FER1L6: variants seen among roughly 807,000 people sequenced by gnomAD.
The protein encoded by FER1L6 is fer-1 like family member 6.
Under a neutral mutation model 219.2 loss-of-function variants are expected in FER1L6, and 177 were observed. That is an observed-to-expected ratio of 0.81 (90% CI 0.71 to 0.91). FER1L6 has a LOEUF of 0.91. Ranked by LOEUF, FER1L6 falls within the 40% of genes least tolerant of loss-of-function variation. The probability of loss-of-function intolerance (pLI) is 0.00; values close to 1 mark genes in which losing one functional copy is unlikely to be tolerated. For missense variants in FER1L6, 2,153 were observed against 2,259.9 expected (o/e 0.95, Z 0.96); for synonymous variants, 768 against 824.3 (o/e 0.93, Z 1.17).
At chr8:124,069,751 C>T (rs2130864562) in intron 29 of FER1L6, among the ~76,000 whole-genome samples, 1 of 152,280 alleles carries the variant, frequency 6.6e-6, no homozygotes, top group East Asian at 1.9e-4. Context: ...TCCCCTTGGC[C>T]CATCTCTAGG....
At chr8:124,002,414 A>C (rs1817454738) in intron 12 of FER1L6, among the ~76,000 whole-genome samples, 1 of 152,216 alleles carries the variant, frequency 6.6e-6, no homozygotes, top group Non-Finnish European at 1.5e-5. Flanking sequence ...CCTTGTGATT[A>C]TGGGCATTTG....
chr8:124,092,996 G>T (rs1439152721), intron 34 of FER1L6, among the ~76,000 whole-genome samples: 4 of 151,666 alleles, frequency 2.6e-5, no homozygotes, highest in Non-Finnish European at 4.4e-5. Context: ...ACTAATTTTT[G>T]TATTTTTAGT....
chr8:123,928,265 C>T (rs952486697), intron 1 of FER1L6, among the ~76,000 whole-genome samples: 2 of 152,032 alleles, frequency 1.3e-5, no homozygotes, highest in East Asian at 3.8e-4. Flanking sequence ...TAGAATGGAC[C>T]TTTGTTTTTC....
At chr8:123,886,519 AC>A (rs1817206170) in intron 1 of FER1L6, among the ~76,000 whole-genome samples, 1 of 152,180 alleles carries the variant, frequency 6.6e-6, no homozygotes. Flanking sequence ...CTGAGTAGAT[AC>A]CAGCCTTATG....
chr8:123,989,445 G>A (rs1028878815), intron 12 of FER1L6, among the ~76,000 whole-genome samples: 4 of 151,970 alleles, frequency 2.6e-5, no homozygotes, highest in South Asian at 2.1e-4. Flanking sequence ...TTTCGGTAAC[G>A]TGGATGAATT....
chr8:123,911,003 A>T (rs927172927), intron 1 of FER1L6, among the ~76,000 whole-genome samples: 1 of 151,946 alleles, frequency 6.6e-6, no homozygotes, highest in Non-Finnish European at 1.5e-5. Context: ...ATTATGCTGA[A>T]CTCCAGGTAC....
At position 124,094,909 on chromosome 8, in the gene FER1L6, G is replaced by A. The variant is rs371361854; in HGVS notation, c.4566G>A (p.Glu1522=). Residue 1522 remains glutamate (E), a synonymous_variant, in exon 35 of 41, where the codon GAG becomes GAA. Transcript: ENST00000522917. ...FTEEDTDETV[E]SYEHLALKVL... ...TCTTTCCTGCAGATGAGACAGTGGAGTCTTATGAACACCTGGCCCTCAAGG... is the reference window on the plus strand; with the variant it reads ...TCTTTCCTGCAGATGAGACAGTGGAATCTTATGAACACCTGGCCCTCAAGG... The A allele has an allele frequency of 1.2e-6, 2 of 1,614,146 alleles. No homozygotes were observed. The highest frequency in any genetic ancestry group is 1.7e-6 in the Non-Finnish European group (2 of 1,179,980).
chr8:124,018,988 C>T (rs2130616378), intron 16 of FER1L6, among the ~76,000 whole-genome samples: 1 of 152,332 alleles, frequency 6.6e-6, no homozygotes, highest in African/African-American at 2.4e-5. Flanking sequence ...CTTAGCACCT[C>T]TGTTCTAGAG....
At chr8:124,033,004 A>C (rs997134608) in intron 18 of FER1L6, among the ~76,000 whole-genome samples, 19 of 152,206 alleles carry the variant, frequency 1.2e-4, no homozygotes, top group African/African-American at 4.6e-4. Context: ...GCATTGGCTG[A>C]GAGTCTGGGC....
rs190073866 is a variant in FER1L6, at chr8:123,852,969, G to T, written c.-8+784G>T. Reference sequence around the variant, plus strand: ...ATATATGAAATATGTATTAGATATAGATGTATTCTATGTGTCTATTTAGCT... The same window carrying T: ...ATATATGAAATATGTATTAGATATATATGTATTCTATGTGTCTATTTAGCT... On this transcript the variant is annotated intron_variant, in intron 1 of 40. Transcript: ENST00000522917. This position sits in a 1 kb window ranked among gnomAD's most constrained non-coding sequence, Gnocchi z 4.9. 6.6e-6 allele frequency among the ~76,000 whole-genome samples: 1 copy of T among 152,220 alleles called. No individual in the cohort carries two copies. The highest frequency in any genetic ancestry group is 6.5e-5 in the Admixed American group (1 of 15,274).
chr8:124,026,385 C>A (rs1420945155), intron 18 of FER1L6, among the ~76,000 whole-genome samples: 2 of 152,214 alleles, frequency 1.3e-5, no homozygotes, highest in East Asian at 3.9e-4. Context: ...TGAAAAGGCT[C>A]AAAATCATGC....
intron 14 of FER1L6, among the ~76,000 whole-genome samples, chr8:124,013,063 T>C (rs1818015641): frequency 6.6e-6 from 1 of 152,234 alleles, no homozygotes; most frequent in South Asian, 2.1e-4. Flanking sequence ...AACATTACTT[T>C]TGAAGTTTTG....
At chr8:124,107,722 G>A (rs1033284429) in intron 39 of FER1L6, among the ~76,000 whole-genome samples, 2 of 152,172 alleles carry the variant, frequency 1.3e-5, no homozygotes, top group African/African-American at 4.8e-5. Flanking sequence ...GAAATTTACT[G>A]TCTGGTTTGA....
intron 12 of FER1L6, among the ~76,000 whole-genome samples, chr8:123,994,037 T>C (rs1816999478): frequency 6.6e-6 from 1 of 152,184 alleles, no homozygotes; most frequent in African/African-American, 2.4e-5. Context: ...ATGCACAAGT[T>C]TTCTCCTTCC....
At chr8:123,958,455 G>A (rs546636009) in intron 2 of FER1L6, among the ~76,000 whole-genome samples, 22 of 152,262 alleles carry the variant, frequency 1.4e-4, no homozygotes, top group African/African-American at 5.3e-4. Flanking sequence ...GACCCCACCA[G>A]ACTTCCTTTC....
intron 32 of FER1L6, among the ~76,000 whole-genome samples, chr8:124,077,629 G>T (rs1821347944): frequency 6.6e-6 from 1 of 152,120 alleles, no homozygotes; most frequent in Non-Finnish European, 1.5e-5. Flanking sequence ...ACAACCGCTT[G>T]GCAGGCACTT....
At chr8:123,938,530 A>G (rs905571265) in intron 1 of FER1L6, among the ~76,000 whole-genome samples, 1 of 144,352 alleles carries the variant, frequency 6.9e-6, no homozygotes, top group African/African-American at 2.6e-5. Context: ...AGCTTATACA[A>G]TTTACCTGAA....
At chr8:124,095,321 G>T (rs1252329815) in intron 35 of FER1L6, among the ~76,000 whole-genome samples, 1 of 152,186 alleles carries the variant, frequency 6.6e-6, no homozygotes, top group Admixed American at 6.5e-5. Flanking sequence ...CCCTGCCCTG[G>T]AGTCAGTGTT....
intron 37 of FER1L6, among the ~76,000 whole-genome samples, chr8:124,098,508 T>A (rs938498301): frequency 1.3e-4 from 20 of 152,320 alleles, no homozygotes; most frequent in Non-Finnish European, 2.6e-4. Flanking sequence ...AGAATGTACG[T>A]TATCAATGAT....
Sources: allele counts gnomAD v4.1 joint callset (sites outside exome capture counted in the v4.1 genomes callset), GRCh38; gene constraint gnomAD v4.1.1; non-coding constraint Gnocchi (gnomAD v3.1); transcripts MANE v1.5; gene names NCBI Gene and HGNC (gene_info 2026-07-23, HGNC 2026-07-21).